The following AK9 variants were observed in gnomAD, a reference collection of about 807,000 sequenced individuals.
The protein encoded by AK9 is adenylate kinase domain containing 1.
In AK9, 191 loss-of-function variants were observed where a neutral mutation model predicts 239.6. The ratio of observed to expected loss-of-function variants is 0.80; its 90% CI spans 0.71 to 0.90. The LOEUF (loss-of-function observed/expected upper bound fraction) is 0.90. Among genes scored for constraint, AK9 ranks in the 40% least tolerant of loss-of-function variants. AK9 has a pLI of 0.00. For missense variants in AK9, 1,995 were observed against 2,214.7 expected (o/e 0.90, Z 1.99); for synonymous variants, 689 against 721.0 (o/e 0.96, Z 0.71).
intron 10 of AK9, among the ~76,000 whole-genome samples, chr6:109,633,918 A>T (rs921611361): frequency 2.0e-5 from 3 of 152,208 alleles, no homozygotes; most frequent in Admixed American, 6.5e-5. Flanking sequence ...GCTAATTCTC[A>T]GTTGGGAACA....
chr6:109,514,779 G>C (rs942994109), intron 31 of AK9, among the ~76,000 whole-genome samples: 3 of 152,096 alleles, frequency 2.0e-5, no homozygotes, highest in Non-Finnish European at 2.9e-5. Flanking sequence ...CTCACAAAGA[G>C]GTCCATTCCT....
chr6:109,580,914 G>GTTTT (rs10701100), intron 19 of AK9, among the ~76,000 whole-genome samples: 35,729 of 150,990 alleles, frequency 0.24, 4,436 homozygotes, highest in East Asian at 0.42. Flanking sequence ...GTTTTTTTTT[G>GTTTT]TGTTTTTTTG....
At chr6:109,603,666 A>C (rs1445009947) in intron 17 of AK9, among the ~76,000 whole-genome samples, 1 of 152,196 alleles carries the variant, frequency 6.6e-6, no homozygotes, top group African/African-American at 2.4e-5. Context: ...CCCTGCCCCC[A>C]GAGGTGGAGT....
intron 29 of AK9, among the ~76,000 whole-genome samples, chr6:109,518,708 A>T (rs114964127): frequency 0.011 from 1,730 of 152,194 alleles, 31 homozygotes; most frequent in African/African-American, 0.039. Context: ...TTTTAAACAT[A>T]AATGGGATTA....
rs1583327047 is a variant in AK9, at chr6:109,630,228, A to G, written c.1254+2695T>C. Among the ~76,000 whole-genome samples the G allele has an allele frequency of 2.6e-5, 4 of 152,312 alleles. No homozygotes were observed. The Middle Eastern group carries it at 0.014, about 518-fold the overall frequency. ...TACCCAGAGGTCTGTGCAAATTTCT[A>G]CACAGAAAACTCCAAATTATTACTA... On this transcript the variant is annotated intron_variant, in intron 12 of 40. Coordinates refer to ENST00000424296, the MANE Select transcript of AK9 (RefSeq NM_001145128.3).
intron 12 of AK9, among the ~76,000 whole-genome samples, chr6:109,623,904 CAT>C (rs1491024381): frequency 5.6e-5 from 7 of 124,300 alleles, no homozygotes; most frequent in Non-Finnish European, 8.0e-5. Context: ...CACACACACA[CAT>C]TTCTTCTCCC....
chr6:109,599,449 C>T (rs980747008), intron 17 of AK9, among the ~76,000 whole-genome samples: 16 of 152,166 alleles, frequency 1.1e-4, no homozygotes, highest in Non-Finnish European at 2.1e-4. Flanking sequence ...TGTTTGGGTA[C>T]CAGCACCATG....
intron 35 of AK9, among the ~76,000 whole-genome samples, chr6:109,502,977 G>GTT (rs1370710354): frequency 1.3e-5 from 2 of 149,746 alleles, no homozygotes; most frequent in African/African-American, 4.9e-5. Context: ...GTGTGTGTGT[G>GTT]TGTGTGTGTG....
chr6:109,585,464 G>A (rs1184268594), intron 18 of AK9, among the ~76,000 whole-genome samples: 2 of 151,966 alleles, frequency 1.3e-5, no homozygotes, highest in Non-Finnish European at 2.9e-5. Flanking sequence ...CATGAAAAGA[G>A]GTAGTATATT....
At position 109,515,931 on chromosome 6, in the gene AK9, C is replaced by T. The variant is rs1263921480; in HGVS notation, c.3991G>A (p.Ala1331Thr). 5.7e-5 allele frequency: 89 copies of T among 1,551,578 alleles called. No homozygotes were observed. The highest frequency in any genetic ancestry group is 7.8e-5 in the Non-Finnish European group (89 of 1,146,906). ...SIFEKCHPIP[A>T]PLAQKMLTFT... is the part of the protein sequence containing the mutation. The stretch of plus-strand genomic sequence containing the variant: ...GTGAGCATTTTCTGGGCAAGGGGTG[C>T]TGGTATTGGATGACATTTCTCAAAA... Residue 1331 changes from alanine to threonine, a missense_variant, in exon 31 of 41, where the codon GCA becomes ACA. By Grantham distance (58) the Ala-to-Thr change is moderately conservative. This residue lies in a region of AK9 where 1,290 missense variants were observed against 1,392.7 expected (regional missense o/e 0.93). Coordinates refer to ENST00000424296, the MANE Select transcript of AK9 (RefSeq NM_001145128.3).
chr6:109,507,441 A>C (rs1367489928), intron 33 of AK9, among the ~76,000 whole-genome samples: 1 of 152,106 alleles, frequency 6.6e-6, no homozygotes, highest in African/African-American at 2.4e-5. Context: ...GAGTGGCCCT[A>C]TAATATTTGA....
At chr6:109,516,760 C>T in intron 29 of AK9, 118 bp from the exon 30 acceptor site, 1 of 843,198 alleles carries the variant, frequency 1.2e-6, no homozygotes, top group South Asian at 1.8e-5. Context: ...TGCATGTTGA[C>T]ATTCATCTAG....
chr6:109,652,244 T>C (rs1799072195), intron 8 of AK9, among the ~76,000 whole-genome samples: 1 of 152,212 alleles, frequency 6.6e-6, no homozygotes. Context: ...GCAAGGCTGG[T>C]TCAACATACG....
intron 17 of AK9, among the ~76,000 whole-genome samples, chr6:109,588,983 G>A (rs1480168854): frequency 1.3e-5 from 2 of 152,090 alleles, no homozygotes; most frequent in African/African-American, 4.8e-5. Flanking sequence ...CTATAGCCTT[G>A]TAGTATAATT....
chr6:109,564,550 T>A (rs1786217289), intron 22 of AK9, among the ~76,000 whole-genome samples: 1 of 149,676 alleles, frequency 6.7e-6, no homozygotes. Context: ...AAAAAATGTA[T>A]AAAACAAATT....
At chr6:109,604,783 A>T in intron 17 of AK9, among the ~76,000 whole-genome samples, 1 of 152,334 alleles carries the variant, frequency 6.6e-6, no homozygotes, top group East Asian at 1.9e-4. Context: ...TAAATTGAGA[A>T]AGATACCTTA....
intron 8 of AK9, among the ~76,000 whole-genome samples, chr6:109,645,257 C>T (rs13191995): frequency 5.3e-5 from 8 of 151,976 alleles, no homozygotes; most frequent in Non-Finnish European, 8.8e-5. Context: ...GGCAGGGCAT[C>T]ACTTCACCTG....
Position 109,599,682 on chromosome 6 carries a change from C to A in AK9, c.1842+10683G>T, listed in dbSNP as rs546580292. Among the ~76,000 whole-genome samples, 165 of 152,216 alleles carry A rather than the reference C, an allele frequency of 1.1e-3. 1 individual carries two copies. Among genetic ancestry groups the A allele is most frequent in the Non-Finnish European group, 2.0e-3 (134 of 68,008 alleles). On this transcript the variant is annotated intron_variant, in intron 17 of 40. Coordinates refer to ENST00000424296, the MANE Select transcript of AK9 (RefSeq NM_001145128.3). ...ACCTTGGGCAGTATGGCCATTTTCA[C>A]GATATTGATTCTTCCTATCCATGAG...
chr6:109,666,358 A>C (rs748342990), intron 5 of AK9, among the ~76,000 whole-genome samples: 1 of 152,182 alleles, frequency 6.6e-6, no homozygotes, highest in Non-Finnish European at 1.5e-5. Context: ...CCAATTCCAG[A>C]GACATGTGAG....
Sources: allele counts gnomAD v4.1 joint callset (sites outside exome capture counted in the v4.1 genomes callset), GRCh38; gene constraint gnomAD v4.1.1; regional missense constraint gnomAD v4.1.1; transcripts MANE v1.5; gene names NCBI Gene and HGNC (gene_info 2026-07-23, HGNC 2026-07-21).